The following WASHC2A variants were observed in gnomAD, a reference collection of about 807,000 sequenced individuals.
The protein encoded by WASHC2A is WASH complex subunit 2A, also known as WASH complex subunit FAM21A.
WASHC2A carries 82 observed loss-of-function variants against 140.3 expected under a neutral mutation model. The observed-to-expected ratio is 0.58, with a 90% CI of 0.49 to 0.70. The LOEUF (loss-of-function observed/expected upper bound fraction) is 0.70. WASHC2A is among the 30% of genes least tolerant of loss of function. WASHC2A has a pLI of 0.00. For missense variants in WASHC2A, 985 were observed against 1,521.8 expected (o/e 0.65, Z 5.87); for synonymous variants, 340 against 560.8 (o/e 0.61, Z 5.56).
At chr10:50,098,182 G>T (rs1253255194) in intron 16 of WASHC2A, among the ~76,000 whole-genome samples, 1 of 152,064 alleles carries the variant, frequency 6.6e-6, no homozygotes, top group African/African-American at 2.4e-5. Flanking sequence ...ATCAACAGCT[G>T]TGAGACTAAC....
intron 5 of WASHC2A, among the ~76,000 whole-genome samples, chr10:50,081,292 T>C (rs2132434118): frequency 7.4e-6 from 1 of 134,630 alleles, no homozygotes; most frequent in African/African-American, 2.8e-5. Flanking sequence ...TGAATTGGGG[T>C]TTGAAGGGTG....
At chr10:50,112,628 A>G (rs1351899103) in intron 20 of WASHC2A, among the ~76,000 whole-genome samples, 1 of 143,950 alleles carries the variant, frequency 6.9e-6, no homozygotes, top group African/African-American at 2.6e-5. Flanking sequence ...CCTTAGTCAT[A>G]ACAGCCGAAA....
intron 17 of WASHC2A, among the ~76,000 whole-genome samples, chr10:50,103,719 A>G (rs1589232948): frequency 6.6e-6 from 1 of 152,080 alleles, no homozygotes; most frequent in East Asian, 1.9e-4. Flanking sequence ...ATGCTTATAT[A>G]TTTATTTTTT....
At chr10:50,111,769 C>A (rs1258024340) in intron 20 of WASHC2A, among the ~76,000 whole-genome samples, 1 of 152,242 alleles carries the variant, frequency 6.6e-6, no homozygotes, top group Admixed American at 6.5e-5. Flanking sequence ...GTGGCTCACG[C>A]CTGTAATCCC....
At chr10:50,094,283 G>T (rs1554883961) in intron 13 of WASHC2A, among the ~76,000 whole-genome samples, 1 of 148,684 alleles carries the variant, frequency 6.7e-6, no homozygotes, top group African/African-American at 2.5e-5. Context: ...AACCCAGTGT[G>T]CATTAAAATC....
At chr10:50,125,585 C>T in intron 25 of WASHC2A, 136 bp downstream of exon 25, 2 of 1,583,794 alleles carry the variant, frequency 1.3e-6, no homozygotes, top group South Asian at 1.1e-5. Context: ...AAATAACATG[C>T]TGAGGGGAGC....
In WASHC2A at chr10:50,106,459, T is replaced by G; in HGVS notation, c.1863T>G (p.Asp621Glu). Residue 621 changes from aspartate (D) to glutamate (E), a missense_variant, in exon 19 of 31, where the codon GAT becomes GAG. Physicochemically the swap from Asp to Glu is conservative, Grantham distance 45. Transcript: ENST00000282633. ...CATCTGCCCTGTTGTTCAGCAGTGA[T>G]GAGGAGGTGAGCTGAGGTTTCTGCT... Reference protein sequence around the residue: ...KKASALLFSSDEEDQWNIPAS... With the variant: ...KKASALLFSSEEEDQWNIPAS... 1 of 1,607,202 alleles carries G rather than the reference T, an allele frequency of 6.2e-7. No homozygotes were observed. Among genetic ancestry groups the G allele is most frequent in the Non-Finnish European group, 8.5e-7 (1 of 1,178,086 alleles).
chr10:50,127,112 T>C (rs1247205317), intron 26 of WASHC2A, 48 bp from the exon 27 acceptor site: 2 of 1,611,362 alleles, frequency 1.2e-6, no homozygotes, highest in African/African-American at 2.7e-5. Flanking sequence ...GAAACACTTG[T>C]CTTTCTGTTT....
At chr10:50,106,106 T>C (rs1171621543) in intron 18 of WASHC2A, among the ~76,000 whole-genome samples, 13 of 150,922 alleles carry the variant, frequency 8.6e-5, no homozygotes, top group Non-Finnish European at 1.6e-4. Context: ...CTCCTGCTTA[T>C]ATGCAGCTGT....
chr10:50,075,594 C>G (rs1284345720), intron 3 of WASHC2A, among the ~76,000 whole-genome samples: 4 of 149,972 alleles, frequency 2.7e-5, no homozygotes, highest in African/African-American at 9.9e-5. Context: ...TTCTTTTTAC[C>G]TAGAGAGGGA....
rs1448148102 is a variant in WASHC2A, at chr10:50,102,591, C to T, written c.1636-1451C>T. ...GACTCCGGGGAGCACAGGGGAAAAA[C>T]ACTGTGTGGAGGAGATCTCACTTAG... On this transcript the variant is annotated intron_variant, in intron 17 of 30. Transcript: ENST00000282633. Among the ~76,000 whole-genome samples, 234 of 150,960 alleles carry T rather than the reference C, an allele frequency of 1.6e-3. 2 individuals are homozygous for T. The highest frequency in any genetic ancestry group is 5.4e-3 in the African/African-American group (223 of 40,964).
In WASHC2A at chr10:50,069,506, A is replaced by G. The variant is rs781782884; in HGVS notation, c.127-41A>G. 4.6e-5 allele frequency: 73 copies of G among 1,592,260 alleles called. No individual in the cohort carries two copies. The East Asian group carries it at 1.5e-3, about 34-fold the overall frequency. ...TTGATGTGACATGCAGAATAGTTACATGTAACATTGATACTACTGTATGTT... is the reference window on the plus strand; with the variant it reads ...TTGATGTGACATGCAGAATAGTTACGTGTAACATTGATACTACTGTATGTT... On this transcript the variant is annotated intron_variant, in intron 2 of 30. Transcript: ENST00000282633.
intron 21 of WASHC2A, among the ~76,000 whole-genome samples, chr10:50,116,122 A>AC (rs1416353043): frequency 7.5e-6 from 1 of 133,604 alleles, no homozygotes; most frequent in Non-Finnish European, 1.6e-5. Context: ...TCTCAAAAAA[A>AC]AAAAAAAGAA....
chr10:50,107,209 G>A (rs1307989760), intron 19 of WASHC2A, among the ~76,000 whole-genome samples: 1 of 77,686 alleles, frequency 1.3e-5, no homozygotes, highest in Non-Finnish European at 2.8e-5. Context: ...AGCATGTCCC[G>A]TATACCCCAA....
intron 10 of WASHC2A, among the ~76,000 whole-genome samples, chr10:50,091,895 A>T (rs1384224937): frequency 2.9e-4 from 44 of 152,324 alleles, no homozygotes; most frequent in African/African-American, 1.1e-3. Context: ...ACAGGGTAGA[A>T]AGATAACACA....
intron 5 of WASHC2A, among the ~76,000 whole-genome samples, chr10:50,082,022 G>T (rs1838939957): frequency 1.3e-5 from 2 of 152,074 alleles, no homozygotes; most frequent in Non-Finnish European, 1.5e-5. Flanking sequence ...AGATCATTTG[G>T]CACTGACCGG....
At chr10:50,109,841 T>C (rs1190797988) in intron 19 of WASHC2A, among the ~76,000 whole-genome samples, 156 of 152,176 alleles carry the variant, frequency 1.0e-3, no homozygotes, top group African/African-American at 3.5e-3. Flanking sequence ...ACGATCTCCG[T>C]TCACTGCAAG....
chr10:50,129,591 G>C lies in WASHC2A; in HGVS notation c.3260G>C (p.Ser1087Thr). 1.2e-6 allele frequency: 2 copies of C among 1,612,088 alleles called. No homozygotes were observed. Among genetic ancestry groups the C allele is most frequent in the Non-Finnish European group, 1.7e-6 (2 of 1,179,872 alleles). The stretch of plus-strand genomic sequence containing the variant: ...CATCGGCCACAGCTCAGAGCAGCCA[G>C]TGGAGAAGACAGCACTGAGGAGGCC... ...NGHRPQLRAA[S>T]GEDSTEEALA... is the part of the protein sequence containing the mutation. Residue 1087 changes from serine to threonine, a missense_variant, in exon 29 of 31, where the codon AGT becomes ACT. Physicochemically the swap from Ser to Thr is moderately conservative, Grantham distance 58. Coordinates refer to ENST00000282633, the MANE Select transcript of WASHC2A (RefSeq NM_001005751.3).
chr10:50,086,635 C>T (rs1164372408), intron 7 of WASHC2A, among the ~76,000 whole-genome samples: 1 of 135,092 alleles, frequency 7.4e-6, no homozygotes, highest in East Asian at 2.3e-4. Context: ...GTGATATTCC[C>T]CTTCCTGTGT....
Sources: allele counts gnomAD v4.1 joint callset (sites outside exome capture counted in the v4.1 genomes callset), GRCh38; gene constraint gnomAD v4.1.1; transcripts MANE v1.5; gene names NCBI Gene and HGNC (gene_info 2026-07-23, HGNC 2026-07-21).